Variants in PLBD2 observed in about 807,000 individuals in gnomAD.
PLBD2 encodes the protein phospholipase B domain containing 2.
Under a neutral mutation model 68.3 loss-of-function variants are expected in PLBD2, and 51 were observed. The observed-to-expected ratio is 0.75, with a 90% CI of 0.60 to 0.94. The LOEUF is 0.94. Ranked by LOEUF, PLBD2 falls within the 40% of genes least tolerant of loss-of-function variation. The pLI, the probability that PLBD2 is intolerant of heterozygous loss-of-function variation, is 0.00. For missense variants in PLBD2, 729 were observed against 792.2 expected (o/e 0.92, Z 0.96); for synonymous variants, 314 against 339.3 (o/e 0.93, Z 0.82).
chr12:113,375,110 G>A (rs1199193208), intron 5 of PLBD2, 103 bp downstream of exon 5: 16 of 1,038,792 alleles, frequency 1.5e-5, no homozygotes, highest in Non-Finnish European at 2.3e-5. Context: ...CCAACACACG[G>A]AGTCACTGCA....
chr12:113,367,298 G>A (rs1341502563), intron 1 of PLBD2, among the ~76,000 whole-genome samples: 1 of 152,206 alleles, frequency 6.6e-6, no homozygotes, highest in Admixed American at 6.5e-5. Context: ...AAGCATGTTG[G>A]AACTTCTGCA....
chr12:113,386,354 A>ATT (rs1221763402), intron 9 of PLBD2, among the ~76,000 whole-genome samples: 2 of 90,680 alleles, frequency 2.2e-5, no homozygotes, highest in African/African-American at 9.5e-5. Flanking sequence ...ACGCCGGCTA[A>ATT]TTTTTTTTTT....
At chr12:113,367,637 C>G (rs760284817) in intron 1 of PLBD2, among the ~76,000 whole-genome samples, 2 of 151,178 alleles carry the variant, frequency 1.3e-5, no homozygotes, top group African/African-American at 2.4e-5. Context: ...GTAGTTCTAG[C>G]TACTCAGGAG....
At chr12:113,366,158 T>G (rs1957340332) in intron 1 of PLBD2, among the ~76,000 whole-genome samples, 1 of 152,146 alleles carries the variant, frequency 6.6e-6, no homozygotes, top group African/African-American at 2.4e-5. Flanking sequence ...GCTGAGCTAT[T>G]CCTGTCCTGG....
chr12:113,374,520 A>G lies in PLBD2; in HGVS notation c.590A>G (p.Glu197Gly). ...LQLKGLEDSYEGRVSFPAGKF... is the reference protein window; with the variant it reads ...LQLKGLEDSYGGRVSFPAGKF... ...CTGAAAGGCCTGGAGGACAGCTACG[A>G]AGGCCGTGTGAGCTTCCCAGCTGGG... Residue 197 changes from glutamate to glycine, a missense_variant, in exon 4 of 12, where the codon GAA (glutamate) becomes GGA (glycine). Transcript: ENST00000280800. 6.2e-7 allele frequency: 1 copy of G among 1,607,312 alleles called. No homozygotes were observed. Among genetic ancestry groups the G allele is most frequent in the Non-Finnish European group, 8.5e-7 (1 of 1,177,444 alleles).
At chr12:113,367,767 A>AAAAAAGC (rs1352351394) in intron 1 of PLBD2, among the ~76,000 whole-genome samples, 36 of 149,842 alleles carry the variant, frequency 2.4e-4, no homozygotes, top group African/African-American at 8.1e-4. Context: ...AAAAAAAAAG[A>AAAAAAGC]AAAAAGCCCT....
chr12:113,369,194 T>C lies in PLBD2; in HGVS notation c.369T>C (p.Ala123=). ...LQAYAAGVVE[A]AVSEELIYMH... The stretch of plus-strand genomic sequence containing the variant: ...CCTATGCAGCCGGTGTGGTGGAGGC[T>C]GCTGTGTCGGAGGAGGTAAGGGCCA... The change falls in exon 2 of 12, where the codon GCT becomes GCC. Residue 123 remains alanine (A), a synonymous_variant. Transcript: ENST00000280800. 3 of 1,603,742 alleles carry C rather than the reference T, an allele frequency of 1.9e-6. No homozygotes were observed. Among genetic ancestry groups the C allele is most frequent in the Non-Finnish European group, 2.6e-6 (3 of 1,175,204 alleles).
intron 2 of PLBD2, among the ~76,000 whole-genome samples, chr12:113,370,476 T>G (rs1006900591): frequency 2.3e-5 from 3 of 132,166 alleles, no homozygotes; most frequent in Admixed American, 2.2e-4. Context: ...TCTTTTCTTT[T>G]TTTTTTTTTT....
chr12:113,383,280 G>A (rs141375472), intron 6 of PLBD2, among the ~76,000 whole-genome samples: 247 of 152,230 alleles, frequency 1.6e-3, no homozygotes, highest in Non-Finnish European at 2.4e-3. Context: ...AAAGGGGTGG[G>A]AATGGGAGGT....
intron 5 of PLBD2, among the ~76,000 whole-genome samples, chr12:113,378,413 A>T (rs578211247): frequency 2.6e-5 from 4 of 152,304 alleles, no homozygotes; most frequent in South Asian, 4.1e-4. Context: ...GAGTTTTTTT[A>T]AAATCATAAT....
rs1957589512 is a variant in PLBD2, at chr12:113,389,563, A to G, written c.*937A>G. ...ACATACTCACCCATCATCCATCTGC[A>G]CAGCCTTCCACCCACCCATCCGTCT... On this transcript the variant is annotated 3_prime_UTR_variant, in exon 12 of 12. Transcript: ENST00000280800. The G allele has an allele frequency of 6.6e-6, 1 of 152,216 alleles. No homozygotes were observed. The highest frequency in any genetic ancestry group is 1.5e-5 in the Non-Finnish European group (1 of 68,144). 9.4% of individuals were successfully genotyped at this position (152,216 alleles called of 1,614,324 possible). A position where few individuals can be genotyped will look rare whatever the true frequency, so the allele number is the denominator to read the frequency against.
rs12579273 is a variant in PLBD2 at position 113,360,862 on chromosome 12, G to T, written c.290+1972G>T. 5.9e-5 allele frequency among the ~76,000 whole-genome samples: 9 copies of T among 152,264 alleles called. No homozygotes were observed. The East Asian group carries it at 1.7e-3, about 29-fold the overall frequency. ...GTAGAGATGGGGTTTCACCATGTTG[G>T]CCAGGCTGGTCTCAAACTCCTGACT... On this transcript the variant is annotated intron_variant, in intron 1 of 11. Coordinates refer to ENST00000280800, the MANE Select transcript of PLBD2 (RefSeq NM_173542.4).
chr12:113,371,700 C>T (rs902727913), intron 2 of PLBD2, among the ~76,000 whole-genome samples: 8 of 152,148 alleles, frequency 5.3e-5, no homozygotes, highest in African/African-American at 1.9e-4. Context: ...ACTGAGCCTC[C>T]ACCCTAAACC....
At chr12:113,380,978 T>C in intron 6 of PLBD2, 136 bp downstream of exon 6, 1 of 804,244 alleles carries the variant, frequency 1.2e-6, no homozygotes, top group Non-Finnish European at 2.0e-6. Flanking sequence ...GAGCCAGGGG[T>C]GCAGTGGAGG....
intron 6 of PLBD2, among the ~76,000 whole-genome samples, chr12:113,382,225 A>G (rs747057936): frequency 1.3e-5 from 2 of 152,228 alleles, no homozygotes; most frequent in South Asian, 2.1e-4. Context: ...TTTAGTATAT[A>G]TGTGCTGCTT....
chr12:113,375,728 A>G lies in PLBD2; in HGVS notation c.859+721A>G, dbSNP rs544266199. 2.6e-5 allele frequency among the ~76,000 whole-genome samples: 4 copies of G among 152,284 alleles called. No individual in the cohort carries two copies. The South Asian group carries it at 8.3e-4, about 32-fold the overall frequency. On this transcript the variant is annotated intron_variant, in intron 5 of 11. Transcript: ENST00000280800. Reference sequence around the variant, plus strand: ...TCCTGTCTGGGGTTGATTGTCAGCCAGGGTGATGGGGACAGCTGGGCTACG... The same window carrying G: ...TCCTGTCTGGGGTTGATTGTCAGCCGGGGTGATGGGGACAGCTGGGCTACG...
chr12:113,380,492 A>G (rs1205059270), intron 5 of PLBD2, among the ~76,000 whole-genome samples: 1 of 152,226 alleles, frequency 6.6e-6, no homozygotes, highest in Admixed American at 6.5e-5. Context: ...CAGTCGATTG[A>G]ATCCAAGGAT....
chr12:113,383,032 T>C (rs1241050980), intron 6 of PLBD2, among the ~76,000 whole-genome samples: 1 of 151,856 alleles, frequency 6.6e-6, no homozygotes, highest in Non-Finnish European at 1.5e-5. Context: ...TTTGGTTTGG[T>C]TTTTAACTCA....
At chr12:113,371,228 G>C (rs1289602966) in intron 2 of PLBD2, among the ~76,000 whole-genome samples, 5 of 152,140 alleles carry the variant, frequency 3.3e-5, no homozygotes, top group Non-Finnish European at 7.3e-5. Context: ...CCTACTACTT[G>C]GGTGCATACC....
Sources: allele counts gnomAD v4.1 joint callset (sites outside exome capture counted in the v4.1 genomes callset), GRCh38; gene constraint gnomAD v4.1.1; transcripts MANE v1.5; gene names NCBI Gene and HGNC (gene_info 2026-07-23, HGNC 2026-07-21).